Variants in SPAG16 observed in about 807,000 individuals in gnomAD.
The protein encoded by SPAG16 is sperm-associated antigen 16 protein.
In SPAG16, 86 loss-of-function variants were observed where a neutral mutation model predicts 80.4. The observed-to-expected ratio is 1.07, with a 90% CI of 0.90 to 1.28. The LOEUF (loss-of-function observed/expected upper bound fraction) is 1.28. SPAG16 is among the 50% of genes most tolerant of loss of function. SPAG16 has a pLI of 0.00. For missense variants in SPAG16, 870 were observed against 765.3 expected, an observed-to-expected ratio of 1.14 and a Z score of -1.61; for synonymous variants, 294 against 265.9, an observed-to-expected ratio of 1.11 and a Z score of -1.03.
intron 1 of SPAG16, among the ~76,000 whole-genome samples, chr2:213,295,809 A>C (rs1002393752): frequency 2.0e-5 from 3 of 152,190 alleles, no homozygotes; most frequent in African/African-American, 7.2e-5. Flanking sequence ...GATAGATAGT[A>C]AACAGTCAAA....
At chr2:213,846,038 G>T (rs1261368112) in intron 10 of SPAG16, among the ~76,000 whole-genome samples, 2 of 152,168 alleles carry the variant, frequency 1.3e-5, no homozygotes, top group African/African-American at 4.8e-5. Context: ...ATTGGCTAGT[G>T]CAAGTCACTT....
chr2:213,886,075 C>A (rs1469379840), intron 11 of SPAG16, among the ~76,000 whole-genome samples: 1 of 152,052 alleles, frequency 6.6e-6, no homozygotes, highest in African/African-American at 2.4e-5. Flanking sequence ...GGAAACCCAG[C>A]AAAGCATGCC....
At chr2:214,333,469 G>A (rs1258421300) in intron 15 of SPAG16, among the ~76,000 whole-genome samples, 4 of 152,062 alleles carry the variant, frequency 2.6e-5, no homozygotes, top group East Asian at 3.9e-4. Flanking sequence ...TTTGGAATTC[G>A]ATCATCCTCC....
intron 9 of SPAG16, among the ~76,000 whole-genome samples, chr2:213,391,435 G>T (rs2067746200): frequency 6.6e-6 from 1 of 152,100 alleles, no homozygotes; most frequent in Non-Finnish European, 1.5e-5. Flanking sequence ...TTTAGAGTAT[G>T]AATTAGTTTG....
At chr2:213,475,975 G>T (rs944785707) in intron 9 of SPAG16, among the ~76,000 whole-genome samples, 1 of 152,172 alleles carries the variant, frequency 6.6e-6, no homozygotes, top group Non-Finnish European at 1.5e-5. Flanking sequence ...GAAGGTCCCT[G>T]GGGGAAGTGG....
intron 13 of SPAG16, among the ~76,000 whole-genome samples, chr2:214,102,213 C>T (rs190624330): frequency 6.7e-6 from 1 of 148,806 alleles, no homozygotes; most frequent in Admixed American, 6.8e-5. Context: ...ATGTCTTAGG[C>T]CTTGGGGATG....
intron 10 of SPAG16, among the ~76,000 whole-genome samples, chr2:213,833,486 TTATATATAA>T (rs796537730): frequency 0.11 from 397 of 3,516 alleles, 99 homozygotes; most frequent in East Asian, 0.43. Context: ...AATATATATA[TTATATATAA>T]TATATATATT....
At chr2:214,391,672 G>A (rs1701087157) in intron 15 of SPAG16, among the ~76,000 whole-genome samples, 1 of 152,188 alleles carries the variant, frequency 6.6e-6, no homozygotes, top group Non-Finnish European at 1.5e-5. Context: ...GGGAGAAGTA[G>A]GGACTCAAAT....
chr2:213,470,259 A>G (rs559842442), intron 9 of SPAG16, among the ~76,000 whole-genome samples: 1 of 152,312 alleles, frequency 6.6e-6, no homozygotes, highest in East Asian at 1.9e-4. Context: ...GATGGGGAAC[A>G]TGATAAGACC....
chr2:213,386,707 T>G (rs559963350), intron 9 of SPAG16, among the ~76,000 whole-genome samples: 1 of 152,224 alleles, frequency 6.6e-6, no homozygotes, highest in African/African-American at 2.4e-5. Context: ...TAAAGTCAAT[T>G]CTTATGGTTT....
chr2:213,710,570 C>T (rs2125357797), intron 10 of SPAG16, among the ~76,000 whole-genome samples: 1 of 152,232 alleles, frequency 6.6e-6, no homozygotes, highest in Middle Eastern at 3.4e-3. Context: ...AGTGTGGCGA[C>T]TCTGAAAAAT....
chr2:213,670,467 T>G (rs1045427799), intron 10 of SPAG16, among the ~76,000 whole-genome samples: 2 of 152,088 alleles, frequency 1.3e-5, no homozygotes, highest in African/African-American at 4.8e-5. Flanking sequence ...AATCTAGAAT[T>G]TAGGAGGGGA....
At chr2:213,879,606 G>C (rs2076270618) in intron 11 of SPAG16, among the ~76,000 whole-genome samples, 1 of 151,956 alleles carries the variant, frequency 6.6e-6, no homozygotes, top group Non-Finnish European at 1.5e-5. Context: ...GTACAGAACA[G>C]GTTGTTTTTC....
chr2:213,826,100 T>G (rs1265133820), intron 10 of SPAG16, among the ~76,000 whole-genome samples: 1 of 151,970 alleles, frequency 6.6e-6, no homozygotes, highest in Non-Finnish European at 1.5e-5. Flanking sequence ...TTAGTTGAAA[T>G]AACTCTTTTT....
At chr2:214,114,250 C>T (rs1361778808) in intron 14 of SPAG16, among the ~76,000 whole-genome samples, 3 of 152,128 alleles carry the variant, frequency 2.0e-5, no homozygotes, top group Admixed American at 1.3e-4. Flanking sequence ...CAGCCCCTAC[C>T]GGGAGGTGTC....
chr2:213,702,817 G>A (rs1381904611), intron 10 of SPAG16, among the ~76,000 whole-genome samples: 2 of 152,140 alleles, frequency 1.3e-5, no homozygotes, highest in African/African-American at 2.4e-5. Flanking sequence ...ATATCAAGAA[G>A]ATTTAAGATT....
intron 11 of SPAG16, among the ~76,000 whole-genome samples, chr2:213,926,696 T>C (rs2078496816): frequency 6.6e-6 from 1 of 152,178 alleles, no homozygotes; most frequent in Admixed American, 6.5e-5. Flanking sequence ...TGTTATTTCC[T>C]TATATACTTT....
At chr2:213,934,279 T>C (rs2078896437) in intron 12 of SPAG16, among the ~76,000 whole-genome samples, 1 of 152,242 alleles carries the variant, frequency 6.6e-6, no homozygotes, top group Non-Finnish European at 1.5e-5. Context: ...ATACTGCAGT[T>C]ATTCTGTCCT....
intron 10 of SPAG16, among the ~76,000 whole-genome samples, chr2:213,589,828 T>C (rs985257257): frequency 6.6e-6 from 1 of 150,712 alleles, no homozygotes; most frequent in Non-Finnish European, 1.5e-5. Context: ...TGGCTGAGGC[T>C]GGGGAATTGC....
Sources: allele counts gnomAD v4.1 joint callset (sites outside exome capture counted in the v4.1 genomes callset), GRCh38; gene constraint gnomAD v4.1.1; transcripts MANE v1.5; gene names NCBI Gene and HGNC (gene_info 2026-07-23, HGNC 2026-07-21).